Variants in SLC36A1 observed in about 807,000 individuals in gnomAD.
The protein encoded by SLC36A1 is proton-coupled amino acid transporter 1.
A neutral mutation model predicts 47.5 loss-of-function variants in SLC36A1; 30 were observed. The ratio of observed to expected loss-of-function variants is 0.63; its 90% CI spans 0.47 to 0.86. The LOEUF (loss-of-function observed/expected upper bound fraction) is 0.86. Among genes scored for constraint, SLC36A1 ranks in the 40% least tolerant of loss-of-function variants. The pLI, the probability that SLC36A1 is intolerant of heterozygous loss-of-function variation, is 0.00. For missense variants in SLC36A1, 517 were observed against 606.0 expected (o/e 0.85, Z 1.54); for synonymous variants, 255 against 249.7 (o/e 1.02, Z -0.20).
intron 10 of SLC36A1, among the ~76,000 whole-genome samples, chr5:151,487,774 G>A (rs1356652513): frequency 1.3e-5 from 2 of 152,156 alleles, no homozygotes; most frequent in African/African-American, 2.4e-5. Flanking sequence ...TCCGGGTTCC[G>A]GTCCCAGTTC....
chr5:151,555,650 A>C, the SLC36A1 span, among the ~76,000 whole-genome samples: 1 of 152,304 alleles, frequency 6.6e-6, no homozygotes, highest in East Asian at 1.9e-4. Flanking sequence ...GATTACAGGC[A>C]TGAGCCACCG....
At chr5:151,470,543 C>T (rs974340344) in intron 7 of SLC36A1, among the ~76,000 whole-genome samples, 5 of 152,168 alleles carry the variant, frequency 3.3e-5, no homozygotes, top group African/African-American at 9.7e-5. Flanking sequence ...CAAATAGTGC[C>T]GTCTGCCTGG....
chr5:151,476,270 T>C (rs1207212016), intron 8 of SLC36A1, among the ~76,000 whole-genome samples: 1 of 152,236 alleles, frequency 6.6e-6, no homozygotes, highest in Non-Finnish European at 1.5e-5. Context: ...CCATGTGGCC[T>C]CACTCACAGG....
the SLC36A1 span, among the ~76,000 whole-genome samples, chr5:151,401,365 T>C: frequency 1.3e-5 from 2 of 152,186 alleles, no homozygotes; most frequent in Non-Finnish European, 2.9e-5. Context: ...GTGTTCTCTG[T>C]TCTGTTCCAT....
upstream of SLC36A1, among the ~76,000 whole-genome samples, chr5:151,435,897 A>T (rs1182529149): frequency 6.6e-6 from 1 of 152,072 alleles, no homozygotes. Context: ...TGAAAGACAT[A>T]TCTAAAACAT....
the SLC36A1 span, chr5:151,527,413 G>T: frequency 2.6e-6 from 4 of 1,546,980 alleles, no homozygotes; most frequent in South Asian, 1.2e-5. Context: ...TAGCAATGAG[G>T]TAGCTGTCCC....
chr5:151,524,443 A>AGCG, the SLC36A1 span, among the ~76,000 whole-genome samples: 1 of 16,956 alleles, frequency 5.9e-5, no homozygotes, highest in Non-Finnish European at 1.4e-4. Context: ...GGGCCATGTG[A>AGCG]TACAATGAGA....
At chr5:151,367,146 G>GTGCACGTATT in the SLC36A1 span, among the ~76,000 whole-genome samples, 2 of 152,182 alleles carry the variant, frequency 1.3e-5, no homozygotes, top group Non-Finnish European at 2.9e-5. Flanking sequence ...GTGTTCAGCA[G>GTGCACGTATT]TGCACGTATT....
chr5:151,531,626 C>A, the SLC36A1 span: 4 of 1,613,318 alleles, frequency 2.5e-6, no homozygotes, highest in Admixed American at 6.7e-5. This position sits in a 1 kb window ranked among gnomAD's most constrained non-coding sequence, Gnocchi z 5.7. Flanking sequence ...TGCTCGTTCC[C>A]GCTGACCACG....
At chr5:151,353,454 A>G in the SLC36A1 span, among the ~76,000 whole-genome samples, 1 of 152,198 alleles carries the variant, frequency 6.6e-6, no homozygotes, top group East Asian at 1.9e-4. Flanking sequence ...AATTGAGCCA[A>G]AGGAGCAGAG....
the SLC36A1 span, among the ~76,000 whole-genome samples, chr5:151,406,773 G>A: frequency 6.6e-6 from 1 of 152,228 alleles, no homozygotes; most frequent in Non-Finnish European, 1.5e-5. Context: ...GGAATTGAGA[G>A]TGAGAGAGGC....
the SLC36A1 span, chr5:151,505,301 G>C: frequency 3.4e-5 from 18 of 535,206 alleles, no homozygotes; most frequent in Non-Finnish European, 5.6e-5. Flanking sequence ...GGAGTCAATT[G>C]TTCCTGGTTT....
the SLC36A1 span, among the ~76,000 whole-genome samples, chr5:151,358,417 A>G: frequency 1.1e-4 from 17 of 152,200 alleles, 1 homozygote; most frequent in South Asian, 3.5e-3. Flanking sequence ...AACTACAGGC[A>G]TGCACTACTG....
the SLC36A1 span, among the ~76,000 whole-genome samples, chr5:151,426,450 G>A: frequency 6.6e-6 from 1 of 152,098 alleles, no homozygotes; most frequent in African/African-American, 2.4e-5. Flanking sequence ...ATAAGTTTAA[G>A]GAAAGGTGCT....
At chr5:151,479,289 G>A in intron 9 of SLC36A1, 31 bp from the exon 10 acceptor site, 3 of 1,610,568 alleles carry the variant, frequency 1.9e-6, no homozygotes, top group Non-Finnish European at 2.5e-6. Context: ...GTGCTGAGCA[G>A]GCTTGGAATG....
At chr5:151,349,189 A>G in the SLC36A1 span, among the ~76,000 whole-genome samples, 4,474 of 152,198 alleles carry the variant, frequency 0.029, 89 homozygotes, top group African/African-American at 0.059. Context: ...CTATGTTTAG[A>G]TATGAGCTAG....
intron 1 of SLC36A1, among the ~76,000 whole-genome samples, chr5:151,458,492 G>A (rs1374129649): frequency 6.6e-6 from 1 of 151,958 alleles, no homozygotes; most frequent in Non-Finnish European, 1.5e-5. Flanking sequence ...CTCCCAAGCA[G>A]TGCCTCACTT....
At chr5:151,389,789 T>G in the SLC36A1 span, among the ~76,000 whole-genome samples, 5 of 152,186 alleles carry the variant, frequency 3.3e-5, no homozygotes, top group African/African-American at 1.2e-4. Context: ...GTGCCACATT[T>G]TCTTAATCCA....
chr5:151,555,645 C>T, the SLC36A1 span, among the ~76,000 whole-genome samples: 1 of 152,152 alleles, frequency 6.6e-6, no homozygotes, highest in African/African-American at 2.4e-5. Context: ...GCTGGGATTA[C>T]AGGCATGAGC....
Sources: gnomAD v4.1 joint callset for allele counts (sites outside exome capture counted in the v4.1 genomes callset) on GRCh38, gnomAD v4.1.1 for gene constraint, Gnocchi (gnomAD v3.1) non-coding constraint, MANE v1.5 for transcripts, NCBI Gene and HGNC (gene_info 2026-07-23, HGNC 2026-07-21) for gene names.